Variants in NAALADL2 observed in about 807,000 individuals in gnomAD.
NAALADL2 encodes the protein N-acetylated alpha-linked acidic dipeptidase like 2, also known as inactive N-acetylated-alpha-linked acidic dipeptidase-like protein 2.
A neutral mutation model predicts 87.2 loss-of-function variants in NAALADL2; 76 were observed. The ratio of observed to expected loss-of-function variants is 0.87; its 90% CI spans 0.72 to 1.05. NAALADL2 has a LOEUF of 1.05. NAALADL2 is among the 50% of genes least tolerant of loss of function. The pLI is 0.00. For synonymous variants in NAALADL2, 354 were observed against 331.0 expected, an observed-to-expected ratio of 1.07 and a Z score of -0.75; for missense variants, 1,089 against 945.8, an observed-to-expected ratio of 1.15 and a Z score of -1.99.
Position 174,911,008 on chromosome 3 carries a change from C to T in NAALADL2, c.43+51558C>T, listed in dbSNP as rs550081520. 9.2e-5 allele frequency among the ~76,000 whole-genome samples: 14 copies of T among 152,206 alleles called. 1 individual carries two copies. In the South Asian group the frequency reaches 1.7e-3, roughly 18 times the overall value. ...TTGTTTATCTCACGGTTCTCAGGGG[C>T]CACCACCTTACCTGGCACACCGAAT... On this transcript the variant is annotated intron_variant, in intron 1 of 13. Coordinates refer to ENST00000454872, the MANE Select transcript of NAALADL2 (RefSeq NM_207015.3).
intron 1 of NAALADL2, chr3:174,459,673 T>G (rs1319951285): frequency 3.3e-5 from 5 of 152,216 alleles, no homozygotes; most frequent in African/African-American, 1.2e-4. Flanking sequence ...AGTATACCAC[T>G]GTAAGCTTCA....
intron 9 of NAALADL2, among the ~76,000 whole-genome samples, chr3:175,483,641 G>A (rs553231859): frequency 1.2e-4 from 18 of 152,030 alleles, no homozygotes; most frequent in African/African-American, 1.9e-4. Flanking sequence ...GCAGAGGACC[G>A]TTGACTCAAA....
intron 2 of NAALADL2, among the ~76,000 whole-genome samples, chr3:174,599,225 A>T (rs915737548): frequency 6.6e-6 from 1 of 152,180 alleles, no homozygotes; most frequent in African/African-American, 2.4e-5. Context: ...GCTTTCACTC[A>T]TCAACAGGTA....
intron 1 of NAALADL2, among the ~76,000 whole-genome samples, chr3:174,501,120 T>C (rs1478505909): frequency 2.7e-4 from 35 of 131,110 alleles, no homozygotes; most frequent in Admixed American, 6.2e-4. Flanking sequence ...GCTCTGTCAC[T>C]CAGGCTGGAG....
At chr3:174,896,650 G>A (rs946508402) in intron 1 of NAALADL2, among the ~76,000 whole-genome samples, 1 of 152,040 alleles carries the variant, frequency 6.6e-6, no homozygotes, top group Non-Finnish European at 1.5e-5. Context: ...ATTCTTCACA[G>A]AAATAGACAA....
At chr3:174,852,472 T>C (rs1300323965) in intron 3 of NAALADL2, among the ~76,000 whole-genome samples, 2 of 152,114 alleles carry the variant, frequency 1.3e-5, no homozygotes, top group African/African-American at 4.8e-5. Context: ...ACCATAGCTA[T>C]AGATAAAATT....
intron 2 of NAALADL2, among the ~76,000 whole-genome samples, chr3:175,162,556 A>C (rs962731022): frequency 2.6e-5 from 4 of 152,016 alleles, no homozygotes; most frequent in African/African-American, 9.7e-5. Flanking sequence ...AGCTAATACA[A>C]ATTATTTGTG....
intron 10 of NAALADL2, among the ~76,000 whole-genome samples, chr3:175,625,788 A>T (rs1313336668): frequency 6.6e-6 from 1 of 151,890 alleles, no homozygotes; most frequent in African/African-American, 2.4e-5. Flanking sequence ...GTAAAGAGGG[A>T]GTAATAATAG....
intron 2 of NAALADL2, among the ~76,000 whole-genome samples, chr3:174,610,408 C>T (rs1433926419): frequency 1.3e-5 from 2 of 151,346 alleles, no homozygotes; most frequent in Non-Finnish European, 3.0e-5. Context: ...ATTTTCGCAA[C>T]CTACTCATCT....
chr3:174,716,089 C>T (rs1013574509), intron 2 of NAALADL2, among the ~76,000 whole-genome samples: 11 of 152,114 alleles, frequency 7.2e-5, no homozygotes, highest in Non-Finnish European at 1.5e-4. Context: ...CTTCCTGTGA[C>T]TCCATTTACT....
chr3:174,651,814 A>G (rs1049346832), intron 2 of NAALADL2, among the ~76,000 whole-genome samples: 6 of 152,236 alleles, frequency 3.9e-5, no homozygotes, highest in African/African-American at 1.2e-4. Flanking sequence ...TTATTTTTAA[A>G]TGGAAGTTTA....
At chr3:174,755,527 C>CTTTAATAAAAAAAAG (rs1560198229) in intron 3 of NAALADL2, among the ~76,000 whole-genome samples, 1 of 152,062 alleles carries the variant, frequency 6.6e-6, no homozygotes, top group African/African-American at 2.4e-5. Flanking sequence ...TAAAAAATTT[C>CTTTAATAAAAAAAAG]GAGCCACCTC....
chr3:175,338,091 G>A (rs906411370), intron 5 of NAALADL2, among the ~76,000 whole-genome samples: 6 of 152,176 alleles, frequency 3.9e-5, no homozygotes, highest in Admixed American at 3.9e-4. Context: ...TATGTCAGGA[G>A]TGTGGTTCTG....
intron 2 of NAALADL2, among the ~76,000 whole-genome samples, chr3:175,172,745 C>T (rs911701119): frequency 6.6e-6 from 1 of 152,042 alleles, no homozygotes; most frequent in South Asian, 2.1e-4. Context: ...AAAGGAATTT[C>T]ATTGAAGAAA....
At chr3:175,481,696 T>C (rs9653988) in intron 9 of NAALADL2, among the ~76,000 whole-genome samples, 93,254 of 151,634 alleles carry the variant, frequency 0.61, 30,468 homozygotes, top group East Asian at 0.89. Flanking sequence ...CCTAAATGTC[T>C]ATCAGGAGGA....
At chr3:175,410,388 C>T (rs1316130829) in intron 5 of NAALADL2, among the ~76,000 whole-genome samples, 1 of 152,012 alleles carries the variant, frequency 6.6e-6, no homozygotes, top group East Asian at 1.9e-4. Flanking sequence ...GAGTTGTAAC[C>T]CACAGAGAAG....
intron 1 of NAALADL2, among the ~76,000 whole-genome samples, chr3:174,924,871 T>C (rs1479690237): frequency 2.0e-5 from 3 of 152,244 alleles, no homozygotes; most frequent in African/African-American, 4.8e-5. Flanking sequence ...ATGCCTTCTT[T>C]TGAGAAGTGT....
At position 175,217,268 on chromosome 3, in the gene NAALADL2, C is replaced by T. The variant is rs529495199; in HGVS notation, c.546-16663C>T. ...ATATAAAAATCAAGACATTTCAGTT[C>T]TTGAGAGAAACATGGAGGAAAGCTC... is the stretch of plus-strand genomic sequence containing the variant. On this transcript the variant is annotated intron_variant, in intron 2 of 13. Transcript: ENST00000454872. Among the ~76,000 whole-genome samples, 4 of 152,294 alleles carry T rather than the reference C, an allele frequency of 2.6e-5. No individual in the cohort carries two copies. The South Asian group carries it at 8.3e-4, about 32-fold the overall frequency.
intron 9 of NAALADL2, among the ~76,000 whole-genome samples, chr3:175,505,202 T>C (rs1370175519): frequency 6.6e-6 from 1 of 151,814 alleles, no homozygotes; most frequent in East Asian, 1.9e-4. Flanking sequence ...GAGTTCAGTG[T>C]TGCAGTGAGC....
Sources: gnomAD v4.1 joint callset for allele counts (sites outside exome capture counted in the v4.1 genomes callset) on GRCh38, gnomAD v4.1.1 for gene constraint, MANE v1.5 for transcripts, NCBI Gene and HGNC (gene_info 2026-07-23, HGNC 2026-07-21) for gene names.